PES1: variants seen among roughly 807,000 people sequenced by gnomAD.
The protein encoded by PES1 is pescadillo ribosomal biogenesis factor 1.
PES1 carries 31 observed loss-of-function variants against 77.1 expected under a neutral mutation model. That is an observed-to-expected ratio of 0.40 (90% confidence interval 0.30 to 0.54). The LOEUF (loss-of-function observed/expected upper bound fraction) is 0.54, where lower values mean the gene tolerates loss of function less well. PES1 is among the 20% of genes least tolerant of loss of function. PES1 has a pLI of 0.45. For synonymous variants in PES1, 282 were observed against 303.0 expected, an observed-to-expected ratio of 0.93 and a Z score of 0.72; for missense variants, 658 against 771.7, an observed-to-expected ratio of 0.85 and a Z score of 1.75.
In PES1 at chr22:30,590,996, A is replaced by G. The variant is rs570249895; in HGVS notation, c.24+814T>C. On this transcript the variant is annotated intron_variant, in intron 1 of 14. Coordinates refer to ENST00000354694, the MANE Select transcript of PES1 (RefSeq NM_014303.4). Reference sequence around the variant, plus strand: ...AATAGAAACTTTCACTCTGAAAGAAACACTTAAGCCAACTATATATTCCTC... The same window carrying G: ...AATAGAAACTTTCACTCTGAAAGAAGCACTTAAGCCAACTATATATTCCTC... 6.6e-5 allele frequency among the ~76,000 whole-genome samples: 10 copies of G among 152,324 alleles called. 1 individual carries two copies. The South Asian group carries it at 1.9e-3, about 28-fold the overall frequency.
Position 30,591,905 on chromosome 22 carries a change from A to G in PES1, c.-72T>C. On this transcript the variant is annotated 5_prime_UTR_variant, in exon 1 of 15. Transcript: ENST00000354694. ...CACTTCCTCCCGCACGTGCCCTGCC[A>G]AGGACCCCGAGGACCCTCCCCACCC... 4 of 1,514,600 alleles carry G rather than the reference A, an allele frequency of 2.6e-6. No homozygotes were observed. In the South Asian group the frequency reaches 4.9e-5, roughly 19 times the overall value. The allele number at this position is 1,514,600 out of a possible 1,614,324, so 93.8% of individuals were successfully genotyped here. A position where few individuals can be genotyped will look rare whatever the true frequency, so the allele number is the denominator to read the frequency against.
chr22:30,579,352 C>T, intron 12 of PES1, 49 bp from the exon 13 acceptor site: 1 of 1,598,718 alleles, frequency 6.3e-7, no homozygotes. Flanking sequence ...TACTGTCTCT[C>T]TGGCAGGGTG....
intron 4 of PES1, 44 bp downstream of exon 4, chr22:30,587,242 A>C: frequency 7.7e-7 from 1 of 1,297,068 alleles, no homozygotes. Flanking sequence ...AGAGACCAGC[A>C]GTAAATGAAG....
intron 4 of PES1, among the ~76,000 whole-genome samples, chr22:30,586,746 G>A (rs1014422132): frequency 4.6e-5 from 7 of 152,276 alleles, no homozygotes; most frequent in African/African-American, 1.2e-4. Flanking sequence ...GGTAGATCAC[G>A]TGAGGTCAGC....
intron 9 of PES1, 129 bp downstream of exon 9, chr22:30,580,883 C>G: frequency 1.7e-6 from 2 of 1,162,540 alleles, no homozygotes; most frequent in Non-Finnish European, 2.5e-6. Flanking sequence ...GACAATTCAG[C>G]CCATTCTTCT....
At chr22:30,593,589 C>T (rs372877180), upstream of PES1, among the ~76,000 whole-genome samples, 13 of 152,280 alleles carry the variant, frequency 8.5e-5, no homozygotes, top group East Asian at 1.4e-3. Context: ...GTGTCGTGAG[C>T]ATGTGGCCTG....
At chr22:30,584,899 C>T (rs991638462) in intron 4 of PES1, among the ~76,000 whole-genome samples, 182 bp from the exon 5 acceptor site, 6 of 152,184 alleles carry the variant, frequency 3.9e-5, no homozygotes, top group African/African-American at 1.2e-4. Context: ...AACCACTTAA[C>T]CAGGATGCGC....
upstream of PES1, chr22:30,592,227 G>A (rs933692170): frequency 9.8e-7 from 1 of 1,024,366 alleles, no homozygotes; most frequent in Non-Finnish European, 1.2e-6. Context: ...GGGATGCAGA[G>A]GGGCGCCGCA....
chr22:30,581,199 G>T, intron 8 of PES1, 98 bp from the exon 9 acceptor site: 1 of 1,345,358 alleles, frequency 7.4e-7, no homozygotes, highest in Non-Finnish European at 1.0e-6. Context: ...GCATCAGCAG[G>T]TGTGGGTTCC....
chr22:30,596,512 AG>A (rs149941005), upstream of PES1, among the ~76,000 whole-genome samples: 8,408 of 151,922 alleles, frequency 0.055, 314 homozygotes, highest in Non-Finnish European at 0.083. Context: ...AAAAAAAAAA[AG>A]ATTTTAAAAA....
In PES1 at chr22:30,589,229, T is replaced by C; in HGVS notation, c.66A>G (p.Lys22=). The C allele has an allele frequency of 6.2e-7, 1 of 1,614,056 alleles. No homozygotes were observed. Among genetic ancestry groups the C allele is most frequent in the Non-Finnish European group, 8.5e-7 (1 of 1,179,970 alleles). The change falls in exon 2 of 15, where the codon AAA becomes AAG. Residue 22 remains lysine, a synonymous_variant. Transcript: ENST00000354694. ...GSATNYITRN[K]ARKKLQLSLA... Reference sequence around the variant, plus strand: ...AGCTCAGCTGGAGCTTCTTCCGGGCTTTGTTCCGGGTGATGTAGTTGGTGG... The same window carrying C: ...AGCTCAGCTGGAGCTTCTTCCGGGCCTTGTTCCGGGTGATGTAGTTGGTGG...
upstream of PES1, among the ~76,000 whole-genome samples, chr22:30,596,359 T>G (rs541740925): frequency 6.6e-6 from 1 of 151,958 alleles, no homozygotes; most frequent in African/African-American, 2.4e-5. Context: ...TGTGTGTGCG[T>G]GTGTATATGG....
intron 14 of PES1, among the ~76,000 whole-genome samples, chr22:30,578,490 A>G (rs978684023): frequency 6.6e-6 from 1 of 152,180 alleles, no homozygotes; most frequent in African/African-American, 2.4e-5. Context: ...GAACAAGAAA[A>G]TACAAAACAG....
intron 1 of PES1, chr22:30,606,803 GCT>G: frequency 1.0e-6 from 1 of 990,226 alleles, no homozygotes; most frequent in Non-Finnish European, 1.2e-6. Flanking sequence ...CAGCAATGCT[GCT>G]CACGTGACCA....
At chr22:30,592,515 G>C, upstream of PES1, 1 of 707,390 alleles carries the variant, frequency 1.4e-6, no homozygotes, top group Non-Finnish European at 1.7e-6. Context: ...GTACATTCAA[G>C]GCTGGGAGCG....
chr22:30,588,221 G>A (rs1358634377), intron 2 of PES1, 47 bp from the exon 3 acceptor site: 2 of 1,611,666 alleles, frequency 1.2e-6, no homozygotes, highest in Non-Finnish European at 8.5e-7. Context: ...GGGTAAAGGT[G>A]GGGAGCACTG....
chr22:30,602,971 C>A (rs147031223), intron 2 of PES1, among the ~76,000 whole-genome samples: 1 of 151,926 alleles, frequency 6.6e-6, no homozygotes, highest in African/African-American at 2.4e-5. Context: ...AGTGCAGTGG[C>A]GTAATCTTGG....
intron 6 of PES1, among the ~76,000 whole-genome samples, chr22:30,583,862 T>C (rs1341867836): frequency 2.6e-5 from 4 of 152,136 alleles, no homozygotes. Flanking sequence ...CCGAGTCCTG[T>C]GGGGCAGAGA....
rs144810752 is a variant in PES1 at position 30,604,265 on chromosome 22, G to A, written c.-661+1196C>T. Among the ~76,000 whole-genome samples, 32 of 152,254 alleles carry A rather than the reference G, an allele frequency of 2.1e-4. No individual in the cohort carries two copies. In the East Asian group the frequency reaches 3.9e-3, roughly 18 times the overall value. On this transcript the variant is annotated intron_variant, in intron 2 of 16. Coordinates refer to the PES1 transcript ENST00000402281. ...ATTTCTGATTGCTTGTGCTTTTAGG[G>A]GGAAAAATATAAATAATCAGTAAAA...
Sources: gnomAD v4.1 joint callset for allele counts (sites outside exome capture counted in the v4.1 genomes callset) on GRCh38, gnomAD v4.1.1 for gene constraint, MANE v1.5 for transcripts, NCBI Gene and HGNC (gene_info 2026-07-23, HGNC 2026-07-21) for gene names.